The following LYRM4 variants were observed in gnomAD, a reference collection of about 807,000 sequenced individuals.
LYRM4 encodes LYR motif containing 4, also known as LYR motif-containing protein 4.
In LYRM4, 9 loss-of-function variants were observed where a neutral mutation model predicts 11.7. That is an observed-to-expected ratio of 0.77 (90% CI 0.46 to 1.34). The LOEUF (loss-of-function observed/expected upper bound fraction) is 1.34, where lower values mean the gene tolerates loss of function less well. Ranked by LOEUF, LYRM4 falls within the 40% of genes most tolerant of loss-of-function variation. The pLI is 0.00. For missense variants in LYRM4, 133 were observed against 112.5 expected, an observed-to-expected ratio of 1.18 and a Z score of -0.82; for synonymous variants, 42 against 40.4, an observed-to-expected ratio of 1.04 and a Z score of -0.15.
intron 1 of LYRM4, among the ~76,000 whole-genome samples, chr6:5,217,819 C>T (rs914316843): frequency 7.9e-5 from 12 of 152,164 alleles, no homozygotes; most frequent in African/African-American, 2.9e-4. Flanking sequence ...ATGGCTATGG[C>T]CTATCTCTAG....
chr6:5,073,488 A>C, the LYRM4 span, among the ~76,000 whole-genome samples: 5 of 148,318 alleles, frequency 3.4e-5, no homozygotes, highest in Non-Finnish European at 5.9e-5. Context: ...TTATATATCT[A>C]TATATATCTC....
intron 1 of LYRM4, among the ~76,000 whole-genome samples, chr6:5,242,646 G>A (rs988802348): frequency 2.4e-4 from 37 of 151,686 alleles, no homozygotes; most frequent in African/African-American, 8.2e-4. Flanking sequence ...CTTGAACATG[G>A]AGGCAGAGGC....
intron 2 of LYRM4, among the ~76,000 whole-genome samples, chr6:5,206,766 A>C (rs1293626552): frequency 6.6e-6 from 1 of 152,196 alleles, no homozygotes; most frequent in East Asian, 1.9e-4. Context: ...AAAGTAAGTA[A>C]AATACTGATT....
intron 2 of LYRM4, among the ~76,000 whole-genome samples, chr6:5,154,516 T>C (rs1033530706): frequency 6.6e-6 from 1 of 152,056 alleles, no homozygotes. Context: ...TCATACAGAT[T>C]AAAAAGAAAG....
intron 2 of LYRM4, among the ~76,000 whole-genome samples, chr6:5,194,596 C>T (rs1191672520): frequency 6.6e-6 from 1 of 152,254 alleles, no homozygotes; most frequent in Non-Finnish European, 1.5e-5. Flanking sequence ...CCTATAAAAA[C>T]ATCAAGTATT....
chr6:5,211,689 T>C (rs902885439), intron 2 of LYRM4, among the ~76,000 whole-genome samples: 1 of 152,204 alleles, frequency 6.6e-6, no homozygotes, highest in Non-Finnish European at 1.5e-5. Context: ...CAGTGACCCC[T>C]GAAAAGCTGA....
chr6:5,053,639 A>AAAAG, the LYRM4 span, among the ~76,000 whole-genome samples: 56 of 151,988 alleles, frequency 3.7e-4, 1 homozygote, highest in South Asian at 1.7e-3. Flanking sequence ...TGCAAAAAAA[A>AAAAG]AAAGAAAGAA....
At chr6:5,072,788 A>G in the LYRM4 span, among the ~76,000 whole-genome samples, 5 of 152,136 alleles carry the variant, frequency 3.3e-5, 1 homozygote, top group African/African-American at 1.2e-4. Flanking sequence ...TCCAGACTCT[A>G]TGGAGCCTGA....
At chr6:5,155,573 G>A (rs999492908) in intron 2 of LYRM4, among the ~76,000 whole-genome samples, 2 of 152,166 alleles carry the variant, frequency 1.3e-5, no homozygotes, top group African/African-American at 2.4e-5. Flanking sequence ...GGGTAGTCAT[G>A]CCAACATTTA....
the LYRM4 span, chr6:5,086,564 C>G: frequency 1.3e-6 from 2 of 1,506,724 alleles, no homozygotes; most frequent in Non-Finnish European, 1.8e-6. Context: ...GCGCTCTGAG[C>G]CTGGAGAGTT....
chr6:5,084,768 T>C, the LYRM4 span: 3 of 151,992 alleles, frequency 2.0e-5, no homozygotes, highest in South Asian at 4.1e-4. Context: ...CCGAGTGGGA[T>C]TGGAACCCGG....
At chr6:5,101,984 T>TTTTTTTTTTTTTTTTTTTTTTTTTTTA (rs1561796364), downstream of LYRM4, among the ~76,000 whole-genome samples, 1 of 144,598 alleles carries the variant, frequency 6.9e-6, no homozygotes, top group Non-Finnish European at 1.5e-5. Flanking sequence ...TTTTTTTTTT[T>TTTTTTTTTTTTTTTTTTTTTTTTTTTA]GGAGAGTTAT....
intron 1 of LYRM4, among the ~76,000 whole-genome samples, chr6:5,254,744 T>C (rs1037533325): frequency 6.6e-6 from 1 of 152,208 alleles, no homozygotes; most frequent in African/African-American, 2.4e-5. Context: ...CCTCTTCTCC[T>C]TCATTCCACT....
chr6:5,080,074 G>A, the LYRM4 span, among the ~76,000 whole-genome samples: 28 of 152,140 alleles, frequency 1.8e-4, no homozygotes, highest in African/African-American at 6.8e-4. Context: ...TCAGGTCCTC[G>A]ACATTGAAAA....
intron 1 of LYRM4, 121 bp downstream of exon 1, chr6:5,260,527 C>T (rs745826762): frequency 1.3e-5 from 18 of 1,357,452 alleles, no homozygotes; most frequent in Admixed American, 2.2e-5. Flanking sequence ...CCGGTCCTTG[C>T]CTCGCAGCCG....
intron 1 of LYRM4, among the ~76,000 whole-genome samples, chr6:5,239,816 G>C (rs1373182642): frequency 1.4e-5 from 2 of 138,452 alleles, no homozygotes; most frequent in Non-Finnish European, 2.9e-5. Context: ...GGCTCTTCCA[G>C]ACCTGCAGAA....
rs527482758 is a variant in LYRM4, at chr6:5,248,201, A to G, written c.86+12447T>C. Among the ~76,000 whole-genome samples, 6 of 152,354 alleles carry G rather than the reference A, an allele frequency of 3.9e-5. No individual in the cohort carries two copies. The South Asian group carries it at 1.2e-3, about 32-fold the overall frequency. Reference sequence around the variant, plus strand: ...AGTTTGATTTGTTCTCTCTAATCCAACATATTCAACCAAACACTAAGGCCA... The same window carrying G: ...AGTTTGATTTGTTCTCTCTAATCCAGCATATTCAACCAAACACTAAGGCCA... On this transcript the variant is annotated intron_variant, in intron 1 of 2. Coordinates refer to ENST00000330636, the MANE Select transcript of LYRM4 (RefSeq NM_020408.6).
chr6:5,105,467 T>A (rs191014991), downstream of LYRM4: 7 of 152,598 alleles, frequency 4.6e-5, no homozygotes, highest in East Asian at 1.2e-3. Context: ...CTGGTCTCCC[T>A]GCATCTCTCC....
At chr6:5,112,602 A>G (rs1044317300) in intron 2 of LYRM4, among the ~76,000 whole-genome samples, 4 of 152,238 alleles carry the variant, frequency 2.6e-5, no homozygotes, top group Non-Finnish European at 4.4e-5. Flanking sequence ...TGTGCGGGTG[A>G]GACTTTCAGA....
Sources: gnomAD v4.1 joint callset for allele counts (sites outside exome capture counted in the v4.1 genomes callset) on GRCh38, gnomAD v4.1.1 for gene constraint, MANE v1.5 for transcripts, NCBI Gene and HGNC (gene_info 2026-07-23, HGNC 2026-07-21) for gene names.